The following FAM219A variants were observed in gnomAD, a reference collection of about 807,000 sequenced individuals.
FAM219A encodes family with sequence similarity 219 member A.
A neutral mutation model predicts 23.4 loss-of-function variants in FAM219A; 7 were observed. The observed-to-expected ratio is 0.30, with a 90% CI of 0.17 to 0.56. The LOEUF (loss-of-function observed/expected upper bound fraction) is 0.56. Ranked by LOEUF, FAM219A falls within the 20% of genes least tolerant of loss-of-function variation. The pLI is 0.92. For missense variants in FAM219A, 166 were observed against 246.9 expected, an observed-to-expected ratio of 0.67 and a Z score of 2.20; for synonymous variants, 93 against 99.0, an observed-to-expected ratio of 0.94 and a Z score of 0.36.
At chr9:34,420,577 A>G (rs932825951) in intron 1 of FAM219A, among the ~76,000 whole-genome samples, 1 of 152,112 alleles carries the variant, frequency 6.6e-6, no homozygotes, top group Admixed American at 6.5e-5. Flanking sequence ...ATTGAGATAA[A>G]CAGATAACCC....
At chr9:34,436,273 T>C (rs1822915173) in intron 1 of FAM219A, among the ~76,000 whole-genome samples, 1 of 152,030 alleles carries the variant, frequency 6.6e-6, no homozygotes, top group Admixed American at 6.5e-5. Context: ...TGAGACAAGG[T>C]CTCACTCTGT....
intron 1 of FAM219A, among the ~76,000 whole-genome samples, chr9:34,413,530 T>G (rs1056010218): frequency 6.6e-6 from 1 of 152,182 alleles, no homozygotes; most frequent in African/African-American, 2.4e-5. Context: ...GTGACCTCTG[T>G]TCTCACCTCC....
chr9:34,437,667 G>A (rs1588063292), intron 1 of FAM219A, among the ~76,000 whole-genome samples: 1 of 152,244 alleles, frequency 6.6e-6, no homozygotes, highest in African/African-American at 2.4e-5. Flanking sequence ...TAGATTAAGG[G>A]TATACCTTCT....
At chr9:34,443,213 G>A (rs1283980165) in intron 1 of FAM219A, among the ~76,000 whole-genome samples, 1 of 152,088 alleles carries the variant, frequency 6.6e-6, no homozygotes, top group Non-Finnish European at 1.5e-5. Flanking sequence ...CATATGTTTC[G>A]TGAGCCCTGA....
intron 1 of FAM219A, chr9:34,406,310 C>T: frequency 2.0e-6 from 2 of 985,400 alleles, no homozygotes; most frequent in Non-Finnish European, 2.4e-6. Context: ...TCCCCTCAGG[C>T]CCTTCCTGTG....
chr9:34,433,183 G>A (rs1588058670), intron 1 of FAM219A, among the ~76,000 whole-genome samples: 1 of 152,192 alleles, frequency 6.6e-6, no homozygotes, highest in South Asian at 2.1e-4. Flanking sequence ...TATTTTGGGA[G>A]GTTATAATCC....
chr9:34,432,708 G>A (rs1029036950), intron 1 of FAM219A, among the ~76,000 whole-genome samples: 4 of 152,014 alleles, frequency 2.6e-5, no homozygotes, highest in South Asian at 2.1e-4. Flanking sequence ...TTCCAACTGC[G>A]TACTATTTCC....
chr9:34,419,853 A>C (rs748724605), intron 1 of FAM219A, among the ~76,000 whole-genome samples: 8 of 152,144 alleles, frequency 5.3e-5, no homozygotes, highest in Non-Finnish European at 1.2e-4. Context: ...ATAAGGACCA[A>C]CTTGTCTGCA....
intron 3 of FAM219A, 59 bp from the exon 4 acceptor site, chr9:34,402,526 G>C (rs1335169915): frequency 1.2e-6 from 2 of 1,608,260 alleles, no homozygotes; most frequent in Non-Finnish European, 1.7e-6. Flanking sequence ...CCTGGCAAGG[G>C]ACTGGGTTGG....
At chr9:34,425,251 AG>A (rs1455925437) in intron 1 of FAM219A, among the ~76,000 whole-genome samples, 3 of 152,072 alleles carry the variant, frequency 2.0e-5, no homozygotes, top group Non-Finnish European at 4.4e-5. Context: ...GGGCCAAGGC[AG>A]GCAGATCACC....
intron 1 of FAM219A, among the ~76,000 whole-genome samples, chr9:34,424,527 C>T (rs1356558367): frequency 6.6e-6 from 1 of 152,110 alleles, no homozygotes; most frequent in South Asian, 2.1e-4. Flanking sequence ...GGTGGGTAGT[C>T]GCCCCAAATT....
intron 1 of FAM219A, among the ~76,000 whole-genome samples, chr9:34,419,705 G>A (rs745394390): frequency 9.2e-5 from 14 of 152,112 alleles, no homozygotes; most frequent in Non-Finnish European, 1.9e-4. Context: ...CTCACTTAAG[G>A]CTTTTTAGTA....
At chr9:34,409,931 T>G (rs1821764799) in intron 1 of FAM219A, among the ~76,000 whole-genome samples, 1 of 152,246 alleles carries the variant, frequency 6.6e-6, no homozygotes, top group South Asian at 2.1e-4. Flanking sequence ...TTGTGGAAAT[T>G]ATAACAAGTA....
At chr9:34,449,695 G>A (rs1823492852) in intron 1 of FAM219A, among the ~76,000 whole-genome samples, 2 of 152,286 alleles carry the variant, frequency 1.3e-5, no homozygotes, top group South Asian at 2.1e-4. Flanking sequence ...GAAACACATT[G>A]GTTCTGTAAG....
In FAM219A at chr9:34,417,329, G is replaced by A. The variant is rs372723638; in HGVS notation, c.61-11365C>T. Among the ~76,000 whole-genome samples, 1 of 152,176 alleles carries A rather than the reference G, an allele frequency of 6.6e-6. No homozygotes were observed. Among genetic ancestry groups the A allele is most frequent in the African/African-American group, 2.4e-5 (1 of 41,434 alleles). ...CCCAAAGTGCTGGGATTACAGGTGT[G>A]AGCCACCATTCCCAGCCCCTAGCTT... On this transcript the variant is annotated intron_variant, in intron 1 of 5. Transcript: ENST00000651358. This position sits in a 1 kb window ranked among gnomAD's most constrained non-coding sequence, Gnocchi z 4.1.
At chr9:34,407,099 C>G (rs575726640) in intron 1 of FAM219A, among the ~76,000 whole-genome samples, 57 of 152,216 alleles carry the variant, frequency 3.7e-4, no homozygotes, top group African/African-American at 1.4e-3. Flanking sequence ...CCATACCTTG[C>G]TAAGAGTCCT....
At chr9:34,402,969 T>C (rs1414036722) in intron 2 of FAM219A, among the ~76,000 whole-genome samples, 162 bp from the exon 3 acceptor site, 2 of 152,258 alleles carry the variant, frequency 1.3e-5, no homozygotes, top group African/African-American at 4.8e-5. Context: ...GTGGAGATAG[T>C]ACCTGGCCCT....
chr9:34,401,452 C>G (rs1821426888), intron 5 of FAM219A, among the ~76,000 whole-genome samples: 1 of 152,220 alleles, frequency 6.6e-6, no homozygotes, highest in Non-Finnish European at 1.5e-5. Context: ...TGGCCTGCTG[C>G]AATCTAAAGC....
intron 1 of FAM219A, among the ~76,000 whole-genome samples, chr9:34,421,003 T>TGAGAGAGAGA (rs1389449891): frequency 2.4e-4 from 11 of 46,804 alleles, no homozygotes; most frequent in African/African-American, 8.5e-4. Context: ...TGTGTGTGTG[T>TGAGAGAGAGA]GTGTGTGAGA....
Sources: gnomAD v4.1 joint callset for allele counts (sites outside exome capture counted in the v4.1 genomes callset) on GRCh38, gnomAD v4.1.1 for gene constraint, Gnocchi (gnomAD v3.1) non-coding constraint, MANE v1.5 for transcripts, NCBI Gene and HGNC (gene_info 2026-07-23, HGNC 2026-07-21) for gene names.